JDP2: variants seen among roughly 807,000 people sequenced by gnomAD.
The protein encoded by JDP2 is progesterone receptor co-activator.
A neutral mutation model predicts 17.1 loss-of-function variants in JDP2; 9 were observed. That is an observed-to-expected ratio of 0.53 (90% CI 0.32 to 0.92). The LOEUF (loss-of-function observed/expected upper bound fraction) is 0.92, where lower values mean the gene tolerates loss of function less well. Among genes scored for constraint, JDP2 ranks in the 40% least tolerant of loss-of-function variants. The pLI is 0.04. For missense variants in JDP2, 179 were observed against 220.0 expected (o/e 0.81, Z 1.18); for synonymous variants, 107 against 95.6 (o/e 1.12, Z -0.69).
chr14:75,469,918 C>G lies in JDP2; in HGVS notation c.*443C>G, dbSNP rs367909460. The G allele has an allele frequency of 1.3e-5, 2 of 157,004 alleles. No individual in the cohort carries two copies. The highest frequency in any genetic ancestry group is 4.8e-5 in the African/African-American group (2 of 41,660). 9.7% of individuals were successfully genotyped at this position (157,004 alleles called of 1,614,324 possible). A position where few individuals can be genotyped will look rare whatever the true frequency, so the allele number is the denominator to read the frequency against. The stretch of plus-strand genomic sequence containing the variant: ...GAACTCAGAATGAAACTGCAACCCA[C>G]CTGCCCCCAGCCCTGCCCCTCGCCC... On this transcript the variant is annotated 3_prime_UTR_variant, in exon 4 of 4. Coordinates refer to ENST00000651602, the MANE Select transcript of JDP2 (RefSeq NM_001135048.2).
chr14:75,443,873 G>A (rs1885470696), intron 2 of JDP2, among the ~76,000 whole-genome samples: 2 of 151,516 alleles, frequency 1.3e-5, no homozygotes, highest in African/African-American at 4.9e-5. Context: ...TTAAAGTGAG[G>A]ATAATAATAA....
At chr14:75,463,035 G>A (rs1886407763) in intron 3 of JDP2, among the ~76,000 whole-genome samples, 1 of 152,204 alleles carries the variant, frequency 6.6e-6, no homozygotes, top group African/African-American at 2.4e-5. Context: ...GAGCAGAGCT[G>A]GATGAGAAAG....
At chr14:75,455,713 A>G (rs892172897) in intron 2 of JDP2, among the ~76,000 whole-genome samples, 1 of 152,004 alleles carries the variant, frequency 6.6e-6, no homozygotes, top group African/African-American at 2.4e-5. Context: ...CTGGGTTCCA[A>G]TCATCACTCC....
intron 2 of JDP2, among the ~76,000 whole-genome samples, chr14:75,440,109 T>A (rs1885267976): frequency 2.0e-5 from 3 of 152,242 alleles, no homozygotes; most frequent in Non-Finnish European, 4.4e-5. Flanking sequence ...TGGTGGCATC[T>A]GCCCTGTACC....
chr14:75,434,271 A>C (rs1166298798), intron 1 of JDP2, among the ~76,000 whole-genome samples: 1 of 152,110 alleles, frequency 6.6e-6, no homozygotes, highest in Non-Finnish European at 1.5e-5. Context: ...CCAATTATGA[A>C]AGGCAGCTGC....
In JDP2 at chr14:75,435,828, G is replaced by T. The variant is rs771160195; in HGVS notation, c.-23-2070G>T. Among the ~76,000 whole-genome samples, 4 of 152,160 alleles carry T rather than the reference G, an allele frequency of 2.6e-5. No homozygotes were observed. In the East Asian group the frequency reaches 7.7e-4, roughly 29 times the overall value. ...AGTGGGAAGGAGTGCTAAGAGGACC[G>T]GGTATGGGAGGCACAGTAGGTAGAG... is the stretch of plus-strand genomic sequence containing the variant. On this transcript the variant is annotated intron_variant, in intron 1 of 3. Coordinates refer to ENST00000651602, the MANE Select transcript of JDP2 (RefSeq NM_001135048.2).
At chr14:75,457,993 T>C (rs1276228630) in intron 2 of JDP2, among the ~76,000 whole-genome samples, 3 of 152,066 alleles carry the variant, frequency 2.0e-5, no homozygotes, top group African/African-American at 7.2e-5. Flanking sequence ...TTCATCTGAG[T>C]GACATTTGTT....
In JDP2 at chr14:75,433,168, C is replaced by G. The variant is rs1219988545; in HGVS notation, c.-23-4730C>G. 3.7e-5 allele frequency among the ~76,000 whole-genome samples: 4 copies of G among 107,936 alleles called. No homozygotes were observed. The Admixed American group carries it at 5.3e-4, about 14-fold the overall frequency. 70.8% of individuals were successfully genotyped at this position (107,936 alleles called of 152,430 possible). On this transcript the variant is annotated intron_variant, in intron 1 of 3. Coordinates refer to ENST00000651602, the MANE Select transcript of JDP2 (RefSeq NM_001135048.2). ...TGAGATTGCACCACCGCACTCCAGC[C>G]TGGGCAACAAGAGTGAAACTCCGTC...
At position 75,469,347 on chromosome 14, in the gene JDP2, A is replaced by AAGCAGGAGCGGC; in HGVS notation, c.370_381dup (p.Glu124_Gln127dup). ...GCTGAAGACCCAGATTGAGGAGCTG[A>AAGCAGGAGCGGC]AGCAGGAGCGGCAGCAGCTCATCCT... On this transcript the variant is annotated inframe_insertion, in exon 4 of 4. Coordinates refer to ENST00000651602, the MANE Select transcript of JDP2 (RefSeq NM_001135048.2). The AAGCAGGAGCGGC allele has an allele frequency of 1.2e-6, 2 of 1,614,174 alleles. No individual in the cohort carries two copies. Among genetic ancestry groups the AAGCAGGAGCGGC allele is most frequent in the Non-Finnish European group, 1.7e-6 (2 of 1,180,014 alleles).
chr14:75,464,785 T>A (rs1886500710), intron 3 of JDP2, among the ~76,000 whole-genome samples: 1 of 152,182 alleles, frequency 6.6e-6, no homozygotes, highest in Non-Finnish European at 1.5e-5. Flanking sequence ...GGGGCAGGCC[T>A]TGGGAGGGGT....
chr14:75,432,151 C>T, intron 1 of JDP2: 1 of 629,472 alleles, frequency 1.6e-6, no homozygotes, highest in Non-Finnish European at 2.8e-6. Context: ...GGGCCTTTTG[C>T]TGCTCGCCTT....
intron 2 of JDP2, among the ~76,000 whole-genome samples, chr14:75,449,649 A>G (rs1885760096): frequency 6.6e-6 from 1 of 152,228 alleles, no homozygotes. Flanking sequence ...GGGAAACTAG[A>G]CCCCACTAAG....
intron 3 of JDP2, among the ~76,000 whole-genome samples, chr14:75,461,750 C>T (rs571058577): frequency 9.8e-4 from 149 of 152,312 alleles, no homozygotes; most frequent in Middle Eastern, 3.4e-3. Flanking sequence ...GCCCACACAA[C>T]CCCTGGAAGC....
rs1384395163 is a variant in JDP2 at position 75,470,523 on chromosome 14, G to C, written c.*1048G>C. ...CCCTCTCAGGGTCGGAGACTGTTTG[G>C]AGCCTCTGCTATAGGCCTGTTCATT... On this transcript the variant is annotated 3_prime_UTR_variant, in exon 4 of 4. Transcript: ENST00000651602. The C allele has an allele frequency of 6.6e-6, 1 of 152,330 alleles. No individual in the cohort carries two copies. Among genetic ancestry groups the C allele is most frequent in the East Asian group, 1.9e-4 (1 of 5,198 alleles). 9.4% of individuals were successfully genotyped at this position (152,330 alleles called of 1,614,324 possible).
At chr14:75,447,191 GC>G (rs2139968727) in intron 2 of JDP2, among the ~76,000 whole-genome samples, 1 of 152,336 alleles carries the variant, frequency 6.6e-6, no homozygotes, top group South Asian at 2.1e-4. Context: ...CTAACCTGTA[GC>G]CATTAGCTGA....
intron 3 of JDP2, among the ~76,000 whole-genome samples, chr14:75,466,390 A>G (rs1440379253): frequency 1.3e-5 from 2 of 152,166 alleles, no homozygotes; most frequent in Admixed American, 6.6e-5. Flanking sequence ...GCAGTGAGCC[A>G]AGATCATGCC....
chr14:75,469,540 G>A lies in JDP2; in HGVS notation c.*65G>A. ...AGGAAAAGTGACGAAGAGAGAGGAG[G>A]AGGGGGGCCCCAGATGGCCCTTCCT... On this transcript the variant is annotated 3_prime_UTR_variant, in exon 4 of 4. Transcript: ENST00000651602. 1 of 1,522,524 alleles carries A rather than the reference G, an allele frequency of 6.6e-7. No homozygotes were observed. The highest frequency in any genetic ancestry group is 8.9e-7 in the Non-Finnish European group (1 of 1,125,178). 94.3% of individuals were successfully genotyped at this position (1,522,524 alleles called of 1,614,324 possible).
intron 3 of JDP2, among the ~76,000 whole-genome samples, chr14:75,467,951 A>C (rs907276440): frequency 5.9e-5 from 9 of 151,870 alleles, no homozygotes; most frequent in African/African-American, 2.2e-4. Context: ...TCATGCTGCC[A>C]CCTCAGAGAT....
intron 2 of JDP2, among the ~76,000 whole-genome samples, chr14:75,446,832 G>A (rs766184235): frequency 1.3e-5 from 2 of 152,188 alleles, no homozygotes; most frequent in African/African-American, 2.4e-5. Flanking sequence ...TCAATAAAGT[G>A]CTTTTAAAAA....
Sources: gnomAD v4.1 joint callset for allele counts (sites outside exome capture counted in the v4.1 genomes callset) on GRCh38, gnomAD v4.1.1 for gene constraint, MANE v1.5 for transcripts, NCBI Gene and HGNC (gene_info 2026-07-23, HGNC 2026-07-21) for gene names.